TMEM127: variants seen among roughly 807,000 people sequenced by gnomAD.
TMEM127 encodes transmembrane protein 127.
A neutral mutation model predicts 20.1 loss-of-function variants in TMEM127; 21 were observed. That is an observed-to-expected ratio of 1.04 (90% CI 0.74 to 1.50). The LOEUF (loss-of-function observed/expected upper bound fraction) is 1.50, where lower values mean the gene tolerates loss of function less well. Ranked by LOEUF, TMEM127 falls within the 40% of genes most tolerant of loss-of-function variation. The probability of loss-of-function intolerance (pLI) is 0.00; values close to 1 mark genes in which losing one functional copy is unlikely to be tolerated. For synonymous variants in TMEM127, 150 were observed against 144.7 expected (o/e 1.04, Z -0.26); for missense variants, 303 against 317.4 (o/e 0.95, Z 0.34).
rs534178387 is a variant in TMEM127 at position 96,256,138 on chromosome 2, G to C, written c.245-1141C>G. On this transcript the variant is annotated intron_variant, in intron 2 of 3. Coordinates refer to ENST00000258439, the MANE Select transcript of TMEM127 (RefSeq NM_017849.4). ...ATACAAAAATTAGCTGGGTGTGATC[G>C]CATGCGCCTGTAGTCCCAGCTACTC... 1.3e-3 allele frequency among the ~76,000 whole-genome samples: 191 copies of C among 151,940 alleles called. 1 individual carries two copies. The highest frequency in any genetic ancestry group is 4.5e-3 in the African/African-American group (188 of 41,414).
intron 2 of TMEM127, among the ~76,000 whole-genome samples, chr2:96,260,003 A>G (rs945149894): frequency 6.6e-6 from 1 of 152,262 alleles, no homozygotes; most frequent in African/African-American, 2.4e-5. Context: ...AAGTATGACA[A>G]TATGATAGAG....
In TMEM127 at chr2:96,253,249, A is replaced by G; in HGVS notation, c.*559T>C. On this transcript the variant is annotated 3_prime_UTR_variant, in exon 4 of 4. Transcript: ENST00000258439. The surrounding 1 kb of genome is among the most constrained non-coding windows in gnomAD (Gnocchi z 4.3). The stretch of plus-strand genomic sequence containing the variant: ...TTCCCAACAGCGATTCCCTCTCCCC[A>G]TAAAACCAGGGCACACGTGAGGAGA... The G allele has an allele frequency of 4.3e-6, 1 of 234,944 alleles. No individual in the cohort carries two copies. Among genetic ancestry groups the G allele is most frequent in the African/African-American group, 2.2e-5 (1 of 45,470 alleles). The allele number at this position is 234,944 out of a possible 1,614,324, so 14.6% of individuals were successfully genotyped here.
In TMEM127 at chr2:96,265,193, G is replaced by T; in HGVS notation, c.189C>A (p.Arg63=). 1 of 1,609,410 alleles carries T rather than the reference G, an allele frequency of 6.2e-7. No individual in the cohort carries two copies. The stretch of plus-strand genomic sequence containing the variant: ...ACACGTCGGAGACCCCCAGCTCCTG[G>T]CGCGAACAGGTGCCTCCGTGGATGT... ...WLHIHGGTCS[R]QELGVSDVLG... is the part of the protein sequence containing the mutation. Residue 63 remains arginine, a synonymous_variant, in exon 2 of 4, where the codon CGC becomes CGA. Transcript: ENST00000258439.
chr2:96,265,408 C>T lies in TMEM127; in HGVS notation c.-27G>A. ...CCCGGGGCCGCCCGCCGTCGCTCCGCAGTCGCTGCTGGTCGCCGCCGACCT... is the reference window on the plus strand; with the variant it reads ...CCCGGGGCCGCCCGCCGTCGCTCCGTAGTCGCTGCTGGTCGCCGCCGACCT... On this transcript the variant is annotated 5_prime_UTR_variant, in exon 2 of 4. Coordinates refer to ENST00000258439, the MANE Select transcript of TMEM127 (RefSeq NM_017849.4). The T allele has an allele frequency of 7.4e-7, 1 of 1,356,614 alleles. No individual in the cohort carries two copies. The highest frequency in any genetic ancestry group is 9.4e-7 in the Non-Finnish European group (1 of 1,060,312). 84.0% of individuals were successfully genotyped at this position (1,356,614 alleles called of 1,614,324 possible).
rs748065175 is a variant in TMEM127 at position 96,265,407 on chromosome 2, G to A, written c.-26C>T. ...GCCCGGGGCCGCCCGCCGTCGCTCC[G>A]CAGTCGCTGCTGGTCGCCGCCGACC... On this transcript the variant is annotated 5_prime_UTR_variant, in exon 2 of 4. Transcript: ENST00000258439. The A allele has an allele frequency of 1.7e-5, 23 of 1,355,582 alleles. No individual in the cohort carries two copies. The highest frequency in any genetic ancestry group is 3.6e-5 in the Admixed American group (1 of 27,942). 84.0% of individuals were successfully genotyped at this position (1,355,582 alleles called of 1,614,324 possible).
At position 96,249,848 on chromosome 2, in the gene TMEM127, A is replaced by G. The variant is rs116166651; in HGVS notation, c.*3960T>C. 3,060 of 233,252 alleles carry G rather than the reference A, an allele frequency of 0.013. 38 individuals are homozygous for G. Among genetic ancestry groups the G allele is most frequent in the Non-Finnish European group, 0.02 (2,374 of 118,096 alleles). The allele number at this position is 233,252 out of a possible 1,614,324, so 14.4% of individuals were successfully genotyped here. On this transcript the variant is annotated 3_prime_UTR_variant, in exon 4 of 4. Coordinates refer to ENST00000258439, the MANE Select transcript of TMEM127 (RefSeq NM_017849.4). Reference sequence around the variant, plus strand: ...CATCTTGGGAAAGCCGCCCTGCCCCAGATGCACCACCTCTTCCTGTGTCCC... The same window carrying G: ...CATCTTGGGAAAGCCGCCCTGCCCCGGATGCACCACCTCTTCCTGTGTCCC...
At chr2:96,265,011 A>G in intron 2 of TMEM127, 127 bp downstream of exon 2, 1 of 1,482,946 alleles carries the variant, frequency 6.7e-7, no homozygotes, top group East Asian at 2.4e-5. Context: ...CCTGGTGGGC[A>G]TGAACACCAG....
chr2:96,264,384 G>A (rs1255170127), intron 2 of TMEM127, among the ~76,000 whole-genome samples: 1 of 152,222 alleles, frequency 6.6e-6, no homozygotes, highest in Non-Finnish European at 1.5e-5. Flanking sequence ...TGGGGTTGAT[G>A]AACTATGCTG....
At chr2:96,263,693 C>T (rs1017419247) in intron 2 of TMEM127, among the ~76,000 whole-genome samples, 1 of 152,110 alleles carries the variant, frequency 6.6e-6, no homozygotes, top group African/African-American at 2.4e-5. Flanking sequence ...GTAGTCCCAG[C>T]TCTGCCACCC....
At position 96,253,407 on chromosome 2, in the gene TMEM127, G is replaced by GT; in HGVS notation, c.*400_*401insA. ...GAGCAAACACTGATCCCTGTGAAGT[G>GT]AGCCTCCAGGGCACAGTCCCCTTTC... On this transcript the variant is annotated 3_prime_UTR_variant, in exon 4 of 4. Coordinates refer to ENST00000258439, the MANE Select transcript of TMEM127 (RefSeq NM_017849.4). This position sits in a 1 kb window ranked among gnomAD's most constrained non-coding sequence, Gnocchi z 4.3. 1.8e-5 allele frequency: 5 copies of GT among 285,124 alleles called. No homozygotes were observed. The highest frequency in any genetic ancestry group is 1.7e-4 in the South Asian group (2 of 12,062). The allele number at this position is 285,124 out of a possible 1,614,324, so 17.7% of individuals were successfully genotyped here. A position where few individuals can be genotyped will look rare whatever the true frequency, so the allele number is the denominator to read the frequency against.
At position 96,253,840 on chromosome 2, in the gene TMEM127, G is replaced by A. The variant is rs2104282746; in HGVS notation, c.685C>T (p.Gln229Ter). 2 of 1,613,190 alleles carry A rather than the reference G, an allele frequency of 1.2e-6. No homozygotes were observed. Among genetic ancestry groups the A allele is most frequent in the Non-Finnish European group, 1.7e-6 (2 of 1,179,218 alleles). Residue 229 changes from glutamine to a stop codon, truncating the protein, a stop_gained, in exon 4 of 4, where the codon CAG becomes TAG. Coordinates refer to ENST00000258439, the MANE Select transcript of TMEM127 (RefSeq NM_017849.4). LOFTEE classifies it high-confidence loss of function. This position sits in a 1 kb window ranked among gnomAD's most constrained non-coding sequence, Gnocchi z 4.3. ...PYPAEYEVIN[Q>*]FQPPPAYTP ...GTGTAAGCAGGGGGTGGCTGGAACTGGTTGATGACCTCATATTCCGCCGGG... is the reference window on the plus strand; with the variant it reads ...GTGTAAGCAGGGGGTGGCTGGAACTAGTTGATGACCTCATATTCCGCCGGG...
intron 3 of TMEM127, among the ~76,000 whole-genome samples, chr2:96,254,436 C>A (rs950043618): frequency 4.6e-5 from 7 of 152,128 alleles, no homozygotes; most frequent in Non-Finnish European, 1.0e-4. Context: ...CAGCTACATA[C>A]AAGAAAAGGC....
Position 96,249,467 on chromosome 2 carries a change from G to A in TMEM127, c.*4341C>T, listed in dbSNP as rs751349831. The A allele has an allele frequency of 8.9e-6, 2 of 223,930 alleles. No homozygotes were observed. Among genetic ancestry groups the A allele is most frequent in the African/African-American group, 2.2e-5 (1 of 44,772 alleles). 13.9% of individuals were successfully genotyped at this position (223,930 alleles called of 1,614,324 possible). A position where few individuals can be genotyped will look rare whatever the true frequency, so the allele number is the denominator to read the frequency against. On this transcript the variant is annotated 3_prime_UTR_variant, in exon 4 of 4. Transcript: ENST00000258439. ...CGTTTCAGGTGGGCTCATTCAAAAC[G>A]ACATTTTCAGGCTTGGTGCAGTGGC...
In TMEM127 at chr2:96,252,196, C is replaced by T. The variant is rs1558750941; in HGVS notation, c.*1612G>A. On this transcript the variant is annotated 3_prime_UTR_variant, in exon 4 of 4. Coordinates refer to ENST00000258439, the MANE Select transcript of TMEM127 (RefSeq NM_017849.4). The surrounding 1 kb of genome is among the most constrained non-coding windows in gnomAD (Gnocchi z 4.2). ...CATGCAGGCATCTGTCCGGACATCC[C>T]CAGTCAATCTGGCCAAAGGATGGGA... 2 of 233,276 alleles carry T rather than the reference C, an allele frequency of 8.6e-6. No individual in the cohort carries two copies. The highest frequency in any genetic ancestry group is 6.0e-5 in the East Asian group (1 of 16,602). 14.5% of individuals were successfully genotyped at this position (233,276 alleles called of 1,614,324 possible). A position where few individuals can be genotyped will look rare whatever the true frequency, so the allele number is the denominator to read the frequency against.
chr2:96,255,545 G>A (rs1002757048), intron 2 of TMEM127, among the ~76,000 whole-genome samples: 1 of 152,148 alleles, frequency 6.6e-6, no homozygotes, highest in African/African-American at 2.4e-5. Flanking sequence ...GAGATACCTA[G>A]AATAATCAGT....
chr2:96,260,684 C>T (rs1441781160), intron 2 of TMEM127: 2 of 152,244 alleles, frequency 1.3e-5, no homozygotes, highest in Non-Finnish European at 2.9e-5. Context: ...TTGCTCTAAC[C>T]ACTCCTGACC....
rs1489987602 is a variant in TMEM127 at position 96,252,064 on chromosome 2, G to C, written c.*1744C>G. ...GCAGCCTGCAGCCTTTCTTGCCTGA[G>C]AGAAGAGTCCAGAAGAGCAGGAGAG... On this transcript the variant is annotated 3_prime_UTR_variant, in exon 4 of 4. Transcript: ENST00000258439. The surrounding 1 kb of genome is among the most constrained non-coding windows in gnomAD (Gnocchi z 4.2). 1 of 233,484 alleles carries C rather than the reference G, an allele frequency of 4.3e-6. No homozygotes were observed. The highest frequency in any genetic ancestry group is 2.2e-5 in the African/African-American group (1 of 45,370). 14.5% of individuals were successfully genotyped at this position (233,484 alleles called of 1,614,324 possible). A position where few individuals can be genotyped will look rare whatever the true frequency, so the allele number is the denominator to read the frequency against.
At chr2:96,264,688 G>A (rs1684377914) in intron 2 of TMEM127, among the ~76,000 whole-genome samples, 1 of 152,254 alleles carries the variant, frequency 6.6e-6, no homozygotes, top group Non-Finnish European at 1.5e-5. Flanking sequence ...AAATGCCACA[G>A]ATTCCCTTCT....
At chr2:96,263,047 A>G (rs890471031) in intron 2 of TMEM127, among the ~76,000 whole-genome samples, 2 of 140,776 alleles carry the variant, frequency 1.4e-5, no homozygotes, top group East Asian at 4.3e-4. Flanking sequence ...CCAAGAATTT[A>G]CTTTTTTTTT....
Sources: allele counts gnomAD v4.1 joint callset (sites outside exome capture counted in the v4.1 genomes callset), GRCh38; gene constraint gnomAD v4.1.1; non-coding constraint Gnocchi (gnomAD v3.1); transcripts MANE v1.5; gene names NCBI Gene and HGNC (gene_info 2026-07-23, HGNC 2026-07-21).